Variants in STRN3 observed in about 807,000 individuals in gnomAD.
STRN3 encodes the protein striatin-3.
STRN3 carries 29 observed loss-of-function variants against 95.6 expected under a neutral mutation model. The ratio of observed to expected loss-of-function variants is 0.30; its 90% CI spans 0.23 to 0.41. The LOEUF is 0.41. Among genes scored for constraint, STRN3 ranks in the 10% least tolerant of loss-of-function variants. STRN3 has a pLI of 1.00. For missense variants in STRN3, 890 were observed against 972.1 expected, an observed-to-expected ratio of 0.92 and a Z score of 1.12; for synonymous variants, 331 against 357.6, an observed-to-expected ratio of 0.93 and a Z score of 0.84.
In STRN3 at chr14:30,913,536, G is replaced by C; in HGVS notation, c.1362C>G (p.Asp454Glu). Residue 454 changes from aspartate to glutamate, a missense_variant, in exon 10 of 18, where the codon GAC (aspartate) becomes GAG (glutamate). Around this residue, in one of 3 missense-constraint regions of STRN3, gnomAD observed 357 missense variants for 422.8 expected, o/e 0.84. Transcript: ENST00000357479. ...LADLTVTNDA[D>E]YSYDLPANKD... Reference sequence around the variant, plus strand: ...AAACTGCACTTACATCATAACTATAGTCTGCATCATTTGTTACCGTCAAGT... The same window carrying C: ...AAACTGCACTTACATCATAACTATACTCTGCATCATTTGTTACCGTCAAGT... 2 of 1,612,146 alleles carry C rather than the reference G, an allele frequency of 1.2e-6. No individual in the cohort carries two copies. Among genetic ancestry groups the C allele is most frequent in the Non-Finnish European group, 1.7e-6 (2 of 1,179,006 alleles).
In STRN3 at chr14:30,895,408, G is replaced by A. The variant is rs772576435; in HGVS notation, c.*3C>T. On this transcript the variant is annotated 3_prime_UTR_variant, in exon 18 of 18. Transcript: ENST00000357479. Reference sequence around the variant, plus strand: ...TCTTGTTACGATGCAAGTTTTTGTTGATTCATACAAATACTTTGGCAAGAG... The same window carrying A: ...TCTTGTTACGATGCAAGTTTTTGTTAATTCATACAAATACTTTGGCAAGAG... 1.3e-6 allele frequency: 2 copies of A among 1,591,720 alleles called. No homozygotes were observed. Among genetic ancestry groups the A allele is most frequent in the Non-Finnish European group, 1.7e-6 (2 of 1,167,552 alleles).
At chr14:30,957,380 G>C (rs1357053955) in intron 1 of STRN3, among the ~76,000 whole-genome samples, 2 of 148,768 alleles carry the variant, frequency 1.3e-5, no homozygotes, top group African/African-American at 5.0e-5. Flanking sequence ...GTGAACCCAG[G>C]AAGTGGAGCT....
intron 1 of STRN3, among the ~76,000 whole-genome samples, chr14:30,958,843 T>C (rs1361670220): frequency 1.3e-5 from 2 of 152,212 alleles, no homozygotes; most frequent in African/African-American, 4.8e-5. Context: ...TTGGTTTTCA[T>C]TTCCTTTTTT....
At chr14:30,978,527 T>G (rs1881226691) in intron 1 of STRN3, among the ~76,000 whole-genome samples, 2 of 152,168 alleles carry the variant, frequency 1.3e-5, no homozygotes, top group Admixed American at 6.5e-5. Context: ...TATGAAAAAG[T>G]AGATGCTTTT....
intron 1 of STRN3, among the ~76,000 whole-genome samples, chr14:30,996,653 G>A (rs1464694623): frequency 6.6e-6 from 1 of 152,124 alleles, no homozygotes; most frequent in African/African-American, 2.4e-5. Context: ...GGATCACGAG[G>A]TCAGGAGATC....
At chr14:30,915,138 A>C (rs570767207) in intron 9 of STRN3, among the ~76,000 whole-genome samples, 234 of 152,304 alleles carry the variant, frequency 1.5e-3, no homozygotes, top group African/African-American at 5.3e-3. Context: ...TTATACAAAA[A>C]ATCAAGCTGA....
At position 30,936,499 on chromosome 14, in the gene STRN3, T is replaced by C; in HGVS notation, c.842A>G (p.His281Arg). The C allele has an allele frequency of 6.8e-6, 11 of 1,610,992 alleles. No individual in the cohort carries two copies. Among genetic ancestry groups the C allele is most frequent in the Non-Finnish European group, 9.3e-6 (11 of 1,179,150 alleles). ...AATATAAAATGTAATTCCTACTTTA[T>C]GTTTATTCATCCGATGTTTGTCTTT... ...EGKDKHRMNKHKIGNEGLAAD... is the reference protein window; with the variant it reads ...EGKDKHRMNKRKIGNEGLAAD... Residue 281 changes from histidine to arginine, a missense_variant, in exon 6 of 18, where the codon CAT (histidine) becomes CGT (arginine). Physicochemically the swap from His to Arg is conservative, Grantham distance 29. This residue lies in a region of STRN3 where 526 missense variants were observed against 526.3 expected (regional missense o/e 1.00). Coordinates refer to ENST00000357479, the MANE Select transcript of STRN3 (RefSeq NM_001083893.2).
At chr14:30,980,770 G>A (rs1011331597) in intron 1 of STRN3, among the ~76,000 whole-genome samples, 1 of 151,976 alleles carries the variant, frequency 6.6e-6, no homozygotes, top group African/African-American at 2.4e-5. Context: ...TTGTTCTATT[G>A]CAAGAGTTTT....
chr14:30,990,332 AT>A (rs1025046367), intron 1 of STRN3, among the ~76,000 whole-genome samples: 12 of 149,808 alleles, frequency 8.0e-5, no homozygotes, highest in African/African-American at 2.5e-4. Context: ...CACCCGGCTA[AT>A]TTTTTTTTGC....
Position 30,895,069 on chromosome 14 carries a change from AAAAAAAAAAAG to A in STRN3, c.*331_*341del, listed in dbSNP as rs1319735335. The A allele has an allele frequency of 1.0e-4, 22 of 217,282 alleles. No individual in the cohort carries two copies. The highest frequency in any genetic ancestry group is 2.6e-4 in the African/African-American group (11 of 41,560). 13.5% of individuals were successfully genotyped at this position (217,282 alleles called of 1,614,324 possible). A position where few individuals can be genotyped will look rare whatever the true frequency, so the allele number is the denominator to read the frequency against. On this transcript the variant is annotated 3_prime_UTR_variant, in exon 18 of 18. Transcript: ENST00000357479. ...CACAGAGTCCAAAAAAAAAAAAAAA[AAAAAAAAAAAG>A]AAGAAGAAGAAGAGAAAAAAAAAAA...
intron 3 of STRN3, 71 bp downstream of exon 3, chr14:30,955,549 G>T: frequency 7.6e-7 from 1 of 1,314,798 alleles, no homozygotes; most frequent in Non-Finnish European, 1.0e-6. Flanking sequence ...CAAAATGCGG[G>T]TAAAGAGAAC....
At chr14:30,914,753 T>C (rs888763151) in intron 9 of STRN3, among the ~76,000 whole-genome samples, 14 of 152,254 alleles carry the variant, frequency 9.2e-5, no homozygotes, top group Admixed American at 3.9e-4. Flanking sequence ...ACCACAGAGC[T>C]TTAATTTCTG....
At chr14:31,012,054 C>G (rs1882995613) in intron 1 of STRN3, among the ~76,000 whole-genome samples, 1 of 152,224 alleles carries the variant, frequency 6.6e-6, no homozygotes, top group Non-Finnish European at 1.5e-5. Flanking sequence ...TGCGCTCCAG[C>G]ATGGGCGACG....
At chr14:30,960,150 G>A (rs144506286) in intron 1 of STRN3, among the ~76,000 whole-genome samples, 10 of 150,684 alleles carry the variant, frequency 6.6e-5, no homozygotes, top group Middle Eastern at 7.4e-3. Flanking sequence ...GAGACCAGGC[G>A]TTCAAGACCA....
chr14:30,980,501 G>A (rs866378410), intron 1 of STRN3, among the ~76,000 whole-genome samples: 2 of 151,540 alleles, frequency 1.3e-5, no homozygotes, highest in South Asian at 2.1e-4. Context: ...TCTGCCTCCC[G>A]GGTTCAAGCT....
chr14:30,964,110 G>T (rs1397780596), intron 1 of STRN3, among the ~76,000 whole-genome samples: 3 of 152,086 alleles, frequency 2.0e-5, no homozygotes, highest in African/African-American at 7.2e-5. Context: ...AAATTAGGCA[G>T]GTGTGGTGGT....
chr14:30,895,591 A>C lies in STRN3; in HGVS notation c.2225-11T>G, dbSNP rs200172123. 1.2e-5 allele frequency: 20 copies of C among 1,610,464 alleles called. No homozygotes were observed. In the Admixed American group the frequency reaches 3.4e-4, roughly 27 times the overall value. On this transcript the variant is annotated splice_polypyrimidine_tract_variant and intron_variant, in intron 17 of 17. Coordinates refer to ENST00000357479, the MANE Select transcript of STRN3 (RefSeq NM_001083893.2). Reference sequence around the variant, plus strand: ...TGGAACAGTCATGGCCTGTAAAAGAACAAATAAAATTTGTTACTGAGTAAC... The same window carrying C: ...TGGAACAGTCATGGCCTGTAAAAGACCAAATAAAATTTGTTACTGAGTAAC...
intron 1 of STRN3, among the ~76,000 whole-genome samples, chr14:30,966,322 T>G (rs1040819340): frequency 3.3e-5 from 5 of 152,286 alleles, no homozygotes; most frequent in Admixed American, 2.0e-4. Context: ...TAACTTGCCT[T>G]GCTGAGAATT....
chr14:30,945,728 T>G (rs144774432), intron 5 of STRN3, among the ~76,000 whole-genome samples: 36 of 152,230 alleles, frequency 2.4e-4, no homozygotes, highest in Admixed American at 6.5e-4. Context: ...CGGATAAACC[T>G]TGAAAATATG....
Sources: allele counts gnomAD v4.1 joint callset (sites outside exome capture counted in the v4.1 genomes callset), GRCh38; gene constraint gnomAD v4.1.1; regional missense constraint gnomAD v4.1.1; transcripts MANE v1.5; gene names NCBI Gene and HGNC (gene_info 2026-07-23, HGNC 2026-07-21).